Variants in MIPOL1 observed in about 807,000 individuals in gnomAD.
MIPOL1 encodes mirror-image polydactyly gene 1 protein.
MIPOL1 carries 57 observed loss-of-function variants against 60.9 expected under a neutral mutation model. That is an observed-to-expected ratio of 0.94 (90% CI 0.76 to 1.17). The LOEUF is 1.17. MIPOL1 is among the 50% of genes most tolerant of loss of function. The pLI is 0.00. For missense variants in MIPOL1, 551 were observed against 511.6 expected, an observed-to-expected ratio of 1.08 and a Z score of -0.74; for synonymous variants, 179 against 168.8, an observed-to-expected ratio of 1.06 and a Z score of -0.47.
rs1033877304 is a variant in MIPOL1 at position 37,433,410 on chromosome 14, C to G, written c.1031+10461C>G. On this transcript the variant is annotated intron_variant, in intron 11 of 12. Coordinates refer to ENST00000684589, the MANE Select transcript of MIPOL1 (RefSeq NM_001388067.1). ...AACAGGCCCCGGTGTGTGATGGTCC[C>G]CTTCCTGTGTCCATGTGTTCTCATT... Among the ~76,000 whole-genome samples the G allele has an allele frequency of 1.5e-4, 23 of 152,034 alleles. 1 individual carries two copies. Among genetic ancestry groups the G allele is most frequent in the African/African-American group, 5.1e-4 (21 of 41,398 alleles).
At chr14:37,231,027 T>C (rs1215870167) in intron 1 of MIPOL1, among the ~76,000 whole-genome samples, 1 of 152,206 alleles carries the variant, frequency 6.6e-6, no homozygotes, top group African/African-American at 2.4e-5. Context: ...AGTGAGTTTT[T>C]ATTGGTCTGT....
intron 1 of MIPOL1, among the ~76,000 whole-genome samples, chr14:37,229,183 G>T (rs1970239847): frequency 6.6e-6 from 1 of 152,110 alleles, no homozygotes; most frequent in African/African-American, 2.4e-5. Context: ...TTGAGACGGG[G>T]TCTCACTCTG....
At chr14:37,455,215 T>A (rs888761542) in intron 11 of MIPOL1, among the ~76,000 whole-genome samples, 1 of 152,222 alleles carries the variant, frequency 6.6e-6, no homozygotes, top group Non-Finnish European at 1.5e-5. Flanking sequence ...ACAAATTGCA[T>A]CAATTTTACT....
intron 12 of MIPOL1, among the ~76,000 whole-genome samples, chr14:37,522,677 C>CA (rs900685442): frequency 1.3e-5 from 2 of 151,802 alleles, no homozygotes; most frequent in African/African-American, 4.8e-5. Context: ...CACATGAATC[C>CA]AAAAAAAGTA....
At chr14:37,407,207 A>G (rs2093602661) in intron 10 of MIPOL1, among the ~76,000 whole-genome samples, 1 of 152,220 alleles carries the variant, frequency 6.6e-6, no homozygotes, top group Non-Finnish European at 1.5e-5. Flanking sequence ...GTTAATGACA[A>G]TAGTATATAG....
intron 12 of MIPOL1, among the ~76,000 whole-genome samples, chr14:37,512,608 A>T (rs913321295): frequency 2.0e-5 from 3 of 151,452 alleles, no homozygotes; most frequent in African/African-American, 7.3e-5. Flanking sequence ...GCCTCAGTGA[A>T]TTTTTTTTTA....
At chr14:37,230,427 G>A (rs545182138) in intron 1 of MIPOL1, among the ~76,000 whole-genome samples, 3 of 152,306 alleles carry the variant, frequency 2.0e-5, no homozygotes, top group East Asian at 3.9e-4. Flanking sequence ...GAGTTTTACA[G>A]TGATGCTTGC....
At chr14:37,535,678 T>C (rs562795200) in intron 12 of MIPOL1, among the ~76,000 whole-genome samples, 2 of 152,300 alleles carry the variant, frequency 1.3e-5, no homozygotes, top group South Asian at 2.1e-4. Context: ...TCATATGATA[T>C]ATATCTACAG....
chr14:37,358,343 G>A lies in MIPOL1; in HGVS notation c.829-11174G>A, dbSNP rs147924665. ...TAGCAGCATGATTTATAATCCTTTG[G>A]GTATATATCCAGCAATGGAATCACT... On this transcript the variant is annotated intron_variant, in intron 9 of 12. Transcript: ENST00000684589. Among the ~76,000 whole-genome samples the A allele has an allele frequency of 3.1e-3, 469 of 152,096 alleles. 4 individuals carry two copies. Among genetic ancestry groups the A allele is most frequent in the African/African-American group, 9.6e-3 (399 of 41,482 alleles).
At chr14:37,252,273 A>G (rs1225968792) in intron 3 of MIPOL1, among the ~76,000 whole-genome samples, 2 of 151,882 alleles carry the variant, frequency 1.3e-5, no homozygotes, top group African/African-American at 4.8e-5. Flanking sequence ...TTAAAACATG[A>G]TCATGATTCT....
Position 37,508,260 on chromosome 14 carries a change from C to T in MIPOL1, c.1262+8122C>T, listed in dbSNP as rs117732938. On this transcript the variant is annotated intron_variant, in intron 12 of 12. Coordinates refer to ENST00000684589, the MANE Select transcript of MIPOL1 (RefSeq NM_001388067.1). ...TTCACAATCAAATTTTTCTTCACAA[C>T]GAAATTTCTTAAATAACTGTCCCCT... Among the ~76,000 whole-genome samples the T allele has an allele frequency of 9.3e-4, 141 of 152,212 alleles. 6 individuals are homozygous for T. In the East Asian group the frequency reaches 0.021, roughly 23 times the overall value.
intron 9 of MIPOL1, among the ~76,000 whole-genome samples, chr14:37,355,332 C>G (rs1162954695): frequency 8.1e-6 from 1 of 122,918 alleles, no homozygotes; most frequent in African/African-American, 3.0e-5. Flanking sequence ...CTCTGGCTGC[C>G]CTTAACATTT....
chr14:37,467,357 G>A (rs1389185057), intron 11 of MIPOL1, among the ~76,000 whole-genome samples: 1 of 152,126 alleles, frequency 6.6e-6, no homozygotes, highest in African/African-American at 2.4e-5. Flanking sequence ...TTAAATTAGG[G>A]ATCATCTTGG....
At chr14:37,441,729 G>A (rs1425460228) in intron 11 of MIPOL1, among the ~76,000 whole-genome samples, 1 of 151,860 alleles carries the variant, frequency 6.6e-6, no homozygotes, top group Non-Finnish European at 1.5e-5. Flanking sequence ...TTTTGCTTAG[G>A]ATTACTTTAG....
At chr14:37,394,962 C>T (rs2093342929) in intron 10 of MIPOL1, among the ~76,000 whole-genome samples, 1 of 152,040 alleles carries the variant, frequency 6.6e-6, no homozygotes, top group African/African-American at 2.4e-5. Context: ...GATAAGAATC[C>T]AGTTTCATTC....
intron 9 of MIPOL1, among the ~76,000 whole-genome samples, chr14:37,313,637 A>T (rs1181761394): frequency 6.6e-6 from 1 of 152,176 alleles, no homozygotes; most frequent in Non-Finnish European, 1.5e-5. Flanking sequence ...CTTAGAGTAC[A>T]GCAGGTATAA....
intron 12 of MIPOL1, among the ~76,000 whole-genome samples, chr14:37,500,349 G>A (rs759596292): frequency 3.9e-5 from 6 of 152,064 alleles, no homozygotes; most frequent in Non-Finnish European, 7.4e-5. Context: ...TACCCTGTAG[G>A]GCAAACCATT....
chr14:37,208,260 G>A (rs778295119), intron 1 of MIPOL1, among the ~76,000 whole-genome samples: 2 of 152,160 alleles, frequency 1.3e-5, no homozygotes, highest in Non-Finnish European at 2.9e-5. Flanking sequence ...TTCGGAAGCT[G>A]CTTGAGTACA....
intron 6 of MIPOL1, chr14:37,278,941 A>G (rs2083881871): frequency 6.6e-6 from 1 of 151,660 alleles, no homozygotes; most frequent in African/African-American, 2.4e-5. Flanking sequence ...AAATTTGAGT[A>G]TTTGGTTGAG....
Sources: allele counts gnomAD v4.1 joint callset (sites outside exome capture counted in the v4.1 genomes callset), GRCh38; gene constraint gnomAD v4.1.1; transcripts MANE v1.5; gene names NCBI Gene and HGNC (gene_info 2026-07-23, HGNC 2026-07-21).